Variants in NCAM2 observed in about 807,000 individuals in gnomAD.
The protein encoded by NCAM2 is neural cell adhesion molecule 2.
NCAM2 carries 30 observed loss-of-function variants against 98.1 expected under a neutral mutation model. That is an observed-to-expected ratio of 0.31 (90% CI 0.23 to 0.41). NCAM2 has a LOEUF of 0.41. NCAM2 is among the 10% of genes least tolerant of loss of function. NCAM2 has a pLI of 1.00. For missense variants in NCAM2, 867 were observed against 1,005.8 expected (o/e 0.86, Z 1.87); for synonymous variants, 368 against 342.4 (o/e 1.07, Z -0.83).
At chr21:21,358,167 C>A (rs571884381) in intron 8 of NCAM2, among the ~76,000 whole-genome samples, 2 of 152,182 alleles carry the variant, frequency 1.3e-5, no homozygotes, top group African/African-American at 4.8e-5. Context: ...TAGAGGATCT[C>A]AAATAATCTA....
intron 11 of NCAM2, among the ~76,000 whole-genome samples, chr21:21,426,586 A>C (rs949854759): frequency 2.6e-5 from 4 of 152,174 alleles, no homozygotes; most frequent in Admixed American, 2.6e-4. Flanking sequence ...GACTAACTAG[A>C]GGTCAGGAAG....
chr21:21,216,531 C>T (rs2069907125), intron 1 of NCAM2, among the ~76,000 whole-genome samples: 1 of 152,194 alleles, frequency 6.6e-6, no homozygotes, highest in East Asian at 1.9e-4. Context: ...TACTTGCTCT[C>T]TGAGTTGAAC....
chr21:21,514,919 A>G (rs907205228), intron 16 of NCAM2, among the ~76,000 whole-genome samples: 7 of 152,148 alleles, frequency 4.6e-5, no homozygotes, highest in African/African-American at 1.4e-4. Flanking sequence ...GTTGTTTTCT[A>G]ACTGATAGAA....
intron 1 of NCAM2, among the ~76,000 whole-genome samples, chr21:21,279,341 A>T (rs926559219): frequency 1.3e-5 from 2 of 151,936 alleles, no homozygotes; most frequent in Non-Finnish European, 2.9e-5. Context: ...ATTCCAGTCC[A>T]GTGTTATCTG....
intron 9 of NCAM2, among the ~76,000 whole-genome samples, chr21:21,378,235 T>C (rs1475581047): frequency 6.6e-6 from 1 of 151,774 alleles, no homozygotes; most frequent in Non-Finnish European, 1.5e-5. Flanking sequence ...ATAAGGTGGC[T>C]CTCATTTTCT....
At chr21:21,116,202 C>G (rs373134603) in intron 1 of NCAM2, among the ~76,000 whole-genome samples, 1 of 151,980 alleles carries the variant, frequency 6.6e-6, no homozygotes. Flanking sequence ...ATGTGCTTGA[C>G]GAGAAGTGAA....
rs1024090669 is a variant in NCAM2, at chr21:20,998,526, A to T, written c.-38A>T. ...GGTTCTCTCTCCAGGGCTGGACTTA[A>T]TAACTTTGAAACTGTCCACCGGTGT... On this transcript the variant is annotated 5_prime_UTR_variant, in exon 1 of 18. Coordinates refer to ENST00000400546, the MANE Select transcript of NCAM2 (RefSeq NM_004540.5). 1.2e-6 allele frequency: 2 copies of T among 1,606,242 alleles called. No homozygotes were observed. Among genetic ancestry groups the T allele is most frequent in the Non-Finnish European group, 1.7e-6 (2 of 1,173,186 alleles).
At chr21:21,537,494 C>G (rs1990043303) in intron 17 of NCAM2, among the ~76,000 whole-genome samples, 1 of 152,090 alleles carries the variant, frequency 6.6e-6, no homozygotes, top group Non-Finnish European at 1.5e-5. Flanking sequence ...TTTTGGAGAT[C>G]AACAACTAGT....
chr21:21,322,480 G>C (rs962481151), intron 5 of NCAM2, among the ~76,000 whole-genome samples: 1 of 151,946 alleles, frequency 6.6e-6, no homozygotes, highest in Non-Finnish European at 1.5e-5. Context: ...GAAGTAAAGA[G>C]AAAAAAAGGG....
At chr21:21,127,841 A>AT (rs778699036) in intron 1 of NCAM2, among the ~76,000 whole-genome samples, 109 of 152,140 alleles carry the variant, frequency 7.2e-4, no homozygotes, top group Non-Finnish European at 1.4e-3. Context: ...TACACAAACT[A>AT]TTTTTTCTAT....
chr21:21,418,194 A>G (rs1053866238), intron 10 of NCAM2, among the ~76,000 whole-genome samples: 4 of 152,050 alleles, frequency 2.6e-5, no homozygotes, highest in East Asian at 1.9e-4. Context: ...TGGTTATGCT[A>G]TTTAATAGAT....
intron 1 of NCAM2, among the ~76,000 whole-genome samples, chr21:21,171,051 A>G (rs917806358): frequency 1.3e-5 from 2 of 152,210 alleles, no homozygotes; most frequent in African/African-American, 4.8e-5. Flanking sequence ...TACACAGTCA[A>G]TTAGACAAGG....
At chr21:21,020,430 G>T (rs1377729909) in intron 1 of NCAM2, among the ~76,000 whole-genome samples, 2 of 152,196 alleles carry the variant, frequency 1.3e-5, no homozygotes, top group Admixed American at 6.5e-5. Flanking sequence ...CTGGGCTCTG[G>T]TGGAAGCTTA....
At chr21:21,347,880 G>T (rs959631212) in intron 8 of NCAM2, among the ~76,000 whole-genome samples, 3 of 152,012 alleles carry the variant, frequency 2.0e-5, no homozygotes, top group African/African-American at 7.2e-5. Flanking sequence ...CATTTCATTT[G>T]ATGCTGAAAG....
intron 14 of NCAM2, among the ~76,000 whole-genome samples, chr21:21,473,622 T>C (rs1984767649): frequency 6.6e-6 from 1 of 151,716 alleles, no homozygotes; most frequent in Admixed American, 6.6e-5. Context: ...GAGCTCACCT[T>C]CTCTATTGTC....
rs1291497375 is a variant in NCAM2 at position 21,404,875 on chromosome 21, A to G, written c.1196-5399A>G. Among the ~76,000 whole-genome samples, 4 of 151,396 alleles carry G rather than the reference A, an allele frequency of 2.6e-5. No homozygotes were observed. In the East Asian group the frequency reaches 7.8e-4, roughly 29 times the overall value. On this transcript the variant is annotated intron_variant, in intron 9 of 17. Coordinates refer to ENST00000400546, the MANE Select transcript of NCAM2 (RefSeq NM_004540.5). ...GAAGTGAAAGTAAAGTTGCTTTTTT[A>G]CAAAAGCAACTTTACAATAGTAAAG...
chr21:21,126,491 A>G (rs2066827857), intron 1 of NCAM2, among the ~76,000 whole-genome samples: 1 of 152,012 alleles, frequency 6.6e-6, no homozygotes, highest in Non-Finnish European at 1.5e-5. Context: ...CTGTAACATA[A>G]TAACCATAGT....
chr21:21,444,829 C>T (rs1602360956), intron 12 of NCAM2, among the ~76,000 whole-genome samples: 1 of 149,168 alleles, frequency 6.7e-6, no homozygotes, highest in East Asian at 2.0e-4. Flanking sequence ...TGTCACTGTC[C>T]CCTTCAATTC....
At chr21:21,423,987 C>T (rs1482471022) in intron 11 of NCAM2, among the ~76,000 whole-genome samples, 3 of 152,082 alleles carry the variant, frequency 2.0e-5, no homozygotes. Context: ...TTATCTTAGC[C>T]AGACCTTTGC....
Sources: allele counts gnomAD v4.1 joint callset (sites outside exome capture counted in the v4.1 genomes callset), GRCh38; gene constraint gnomAD v4.1.1; transcripts MANE v1.5; gene names NCBI Gene and HGNC (gene_info 2026-07-23, HGNC 2026-07-21).